CAD: variants seen among roughly 807,000 people sequenced by gnomAD.
CAD encodes the protein multifunctional protein CAD.
CAD carries 81 observed loss-of-function variants against 237.2 expected under a neutral mutation model. The observed-to-expected ratio is 0.34, with a 90% CI of 0.29 to 0.41. The LOEUF is 0.41. Among genes scored for constraint, CAD ranks in the 10% least tolerant of loss-of-function variants. The pLI is 1.00. For synonymous variants in CAD, 1,196 were observed against 1,162.8 expected (o/e 1.03, Z -0.58); for missense variants, 2,181 against 2,951.7 (o/e 0.74, Z 6.05).
Position 27,242,984 on chromosome 2 carries a change from G to C in CAD, c.6480+11G>C, listed in dbSNP as rs1676395024. 12 of 1,585,140 alleles carry C rather than the reference G, an allele frequency of 7.6e-6. No homozygotes were observed. The highest frequency in any genetic ancestry group is 1.0e-5 in the Non-Finnish European group (12 of 1,160,690). On this transcript the variant is annotated intron_variant, in intron 42 of 43. Transcript: ENST00000264705. The surrounding 1 kb of genome is among the most constrained non-coding windows in gnomAD (Gnocchi z 6.4). ...CAGGAGTACGAAGCTGTGAGTGCTG[G>C]GCTTGAGGAAGAAGCCAGGGCTGCT...
rs1558543941 is a variant in CAD at position 27,239,742 on chromosome 2, CAG to C, written c.5441_5442del (p.Gln1814ArgfsTer14). The C allele has an allele frequency of 1.9e-6, 3 of 1,593,232 alleles. No individual in the cohort carries two copies. Among genetic ancestry groups the C allele is most frequent in the East Asian group, 2.2e-5 (1 of 44,696 alleles). On this transcript the variant is annotated frameshift_variant, in exon 34 of 44. Coordinates refer to ENST00000264705, the MANE Select transcript of CAD (RefSeq NM_004341.5). LOFTEE classifies it high-confidence loss of function. The surrounding 1 kb of genome is among the most constrained non-coding windows in gnomAD (Gnocchi z 4.0). ...TGGACAGGATGTACGGAAGTGGCCA[CAG>C]GGGGCTGTTCCTCAGCTCCCACCCT... ...GYGQDVRKWP[Q>X]GAVPQLPPSA...
Position 27,236,539 on chromosome 2 carries a change from G to C in CAD, c.4314+16G>C, listed in dbSNP as rs186812566. 5 of 1,608,172 alleles carry C rather than the reference G, an allele frequency of 3.1e-6. No homozygotes were observed. The highest frequency in any genetic ancestry group is 1.7e-4 in the Middle Eastern group (1 of 6,060). ...CTTTGTGGAGGTAACTGAGACCCAT[G>C]TGCTGGGAGGGAGACTGCCAGTGTT... On this transcript the variant is annotated intron_variant, in intron 26 of 43. Transcript: ENST00000264705. The surrounding 1 kb of genome is among the most constrained non-coding windows in gnomAD (Gnocchi z 4.1).
chr2:27,221,451 A>G, intron 3 of CAD, 104 bp downstream of exon 3: 2 of 1,097,534 alleles, frequency 1.8e-6, no homozygotes, highest in Non-Finnish European at 2.4e-6. Context: ...AGATTGTGAT[A>G]GTTGGAAGGT....
chr2:27,225,307 T>TC (rs1429502303), intron 11 of CAD, 64 bp downstream of exon 11: 36 of 825,564 alleles, frequency 4.4e-5, no homozygotes, highest in Middle Eastern at 3.1e-4. Flanking sequence ...TATTTTCTTT[T>TC]TTTTTTTTTT....
Position 27,239,748 on chromosome 2 carries a change from G to C in CAD, c.5446G>C (p.Ala1816Pro), listed in dbSNP as rs761961745. The stretch of plus-strand genomic sequence containing the variant: ...GGATGTACGGAAGTGGCCACAGGGG[G>C]CTGTTCCTCAGCTCCCACCCTCAGC... ...GQDVRKWPQG[A>P]VPQLPPSAPA... The change falls in exon 34 of 44, where the codon GCT (alanine) becomes CCT (proline). Residue 1816 changes from alanine to proline, a missense_variant. This residue lies in a region of CAD where 478 missense variants were observed against 515.0 expected (regional missense o/e 0.93). Transcript: ENST00000264705. The surrounding 1 kb of genome is among the most constrained non-coding windows in gnomAD (Gnocchi z 4.0). 1.9e-6 allele frequency: 3 copies of C among 1,591,938 alleles called. No homozygotes were observed. In the Admixed American group the frequency reaches 5.3e-5, roughly 28 times the overall value.
chr2:27,240,258 C>T lies in CAD; in HGVS notation c.5497-7C>T. On this transcript the variant is annotated splice_polypyrimidine_tract_variant and splice_region_variant and intron_variant, in intron 34 of 43. Coordinates refer to ENST00000264705, the MANE Select transcript of CAD (RefSeq NM_004341.5). This position sits in a 1 kb window ranked among gnomAD's most constrained non-coding sequence, Gnocchi z 4.6. Reference sequence around the variant, plus strand: ...AAAACAACTCTGGGCCAACGTTATCCCTCCAGACACCTGAAAGACCCCGCC... The same window carrying T: ...AAAACAACTCTGGGCCAACGTTATCTCTCCAGACACCTGAAAGACCCCGCC... The T allele has an allele frequency of 6.2e-7, 1 of 1,610,902 alleles. No homozygotes were observed. Among genetic ancestry groups the T allele is most frequent in the Non-Finnish European group, 8.5e-7 (1 of 1,177,226 alleles).
rs777357147 is a variant in CAD at position 27,233,335 on chromosome 2, C to T, written c.3015C>T (p.Leu1005=). 20 of 1,614,020 alleles carry T rather than the reference C, an allele frequency of 1.2e-5. No individual in the cohort carries two copies. The East Asian group carries it at 1.6e-4, about 13-fold the overall frequency. Residue 1005 remains leucine, a synonymous_variant, in exon 20 of 44, where the codon CTC becomes CTT. Coordinates refer to ENST00000264705, the MANE Select transcript of CAD (RefSeq NM_004341.5). This position sits in a 1 kb window ranked among gnomAD's most constrained non-coding sequence, Gnocchi z 6.3. ...AGGTGGTGATGGACATCTATGAGCT[C>T]GAGAACCCTGAAGGTGTGATCCTAT... ...SFEVVMDIYE[L]ENPEGVILSM...
In CAD at chr2:27,240,896, T is replaced by G; in HGVS notation, c.5594-15T>G. The G allele has an allele frequency of 6.2e-7, 1 of 1,614,020 alleles. No individual in the cohort carries two copies. Among genetic ancestry groups the G allele is most frequent in the South Asian group, 1.1e-5 (1 of 91,070 alleles). On this transcript the variant is annotated splice_polypyrimidine_tract_variant and intron_variant, in intron 35 of 43. Coordinates refer to ENST00000264705, the MANE Select transcript of CAD (RefSeq NM_004341.5). The surrounding 1 kb of genome is among the most constrained non-coding windows in gnomAD (Gnocchi z 4.6). ...CAGCCATAAATGTATATCTGTCCTC[T>G]TGTCCTGTTTGCAGCTGAGGAGCCA...
intron 15 of CAD, among the ~76,000 whole-genome samples, chr2:27,228,095 A>G (rs928734073): frequency 2.0e-5 from 3 of 152,268 alleles, no homozygotes; most frequent in Non-Finnish European, 2.9e-5. Flanking sequence ...AACTTTTTTA[A>G]AGAAATGTAA....
Position 27,225,912 on chromosome 2 carries a change from G to A in CAD, c.1828G>A (p.Gly610Ser). ...GTACGAGGTGGTGAGAGACGCCTAT[G>A]GCAACTGTGTCACGGTGAGTGAATG... is the stretch of plus-strand genomic sequence containing the variant. ...IEYEVVRDAY[G>S]NCVTVCNMEN... Residue 610 changes from glycine (G) to serine (S), a missense_variant, in exon 12 of 44, where the codon GGC becomes AGC. Gly to Ser is a moderately conservative substitution (Grantham distance 56). Around this residue, in one of 12 missense-constraint regions of CAD, gnomAD observed 385 missense variants for 535.1 expected, o/e 0.72. Coordinates refer to ENST00000264705, the MANE Select transcript of CAD (RefSeq NM_004341.5). 6.2e-7 allele frequency: 1 copy of A among 1,614,018 alleles called. No individual in the cohort carries two copies. Among genetic ancestry groups the A allele is most frequent in the Non-Finnish European group, 8.5e-7 (1 of 1,179,844 alleles).
intron 15 of CAD, among the ~76,000 whole-genome samples, chr2:27,227,311 T>G (rs1246904464): frequency 6.6e-6 from 1 of 152,196 alleles, no homozygotes; most frequent in Non-Finnish European, 1.5e-5. Flanking sequence ...AATTTATTAG[T>G]GAATGATGAA....
At position 27,239,839 on chromosome 2, in the gene CAD, C is replaced by G; in HGVS notation, c.5496+41C>G. 7.2e-7 allele frequency: 1 copy of G among 1,379,820 alleles called. No individual in the cohort carries two copies. The highest frequency in any genetic ancestry group is 9.9e-7 in the Non-Finnish European group (1 of 1,013,702). The allele number at this position is 1,379,820 out of a possible 1,614,324, so 85.5% of individuals were successfully genotyped here. A position where few individuals can be genotyped will look rare whatever the true frequency, so the allele number is the denominator to read the frequency against. On this transcript the variant is annotated intron_variant, in intron 34 of 43. Transcript: ENST00000264705. The surrounding 1 kb of genome is among the most constrained non-coding windows in gnomAD (Gnocchi z 4.0). ...GGCTAGGGGGCTGGGAGGTGTTAGTCTCAGGGCAGGATGAACAGCTTGAAC... is the reference window on the plus strand; with the variant it reads ...GGCTAGGGGGCTGGGAGGTGTTAGTGTCAGGGCAGGATGAACAGCTTGAAC...
In CAD at chr2:27,225,179, C is replaced by T. The variant is rs761163042; in HGVS notation, c.1556C>T (p.Ala519Val). The T allele has an allele frequency of 6.2e-7, 1 of 1,614,094 alleles. No individual in the cohort carries two copies. Among genetic ancestry groups the T allele is most frequent in the Non-Finnish European group, 8.5e-7 (1 of 1,180,016 alleles). The change falls in exon 11 of 44, where the codon GCT becomes GTT. Residue 519 changes from alanine to valine, a missense_variant. By Grantham distance (64) the Ala-to-Val change is moderately conservative (BLOSUM62 0). Transcript: ENST00000264705. ...CTGACCGAGGATCGACGGGCCTTTG[C>T]TGCCAGAATGGCAGAGATCGGAGAG... ...IELTEDRRAFAARMAEIGEHV... is the reference protein window; with the variant it reads ...IELTEDRRAFVARMAEIGEHV...
Position 27,238,067 on chromosome 2 carries a change from A to G in CAD, c.4740A>G (p.Thr1580=). The G allele has an allele frequency of 6.2e-7, 1 of 1,614,150 alleles. No homozygotes were observed. The highest frequency in any genetic ancestry group is 8.5e-7 in the Non-Finnish European group (1 of 1,180,002). ...CTTTCTGCTCCCAGCATTTCGAGAC[A>G]TGGCCCTCCCACCTCCCCATTGTGG... is the stretch of plus-strand genomic sequence containing the variant. The part of the protein sequence containing the change: ...SVVQWMEHFE[T]WPSHLPIVAH... The change falls in exon 30 of 44, where the codon ACA becomes ACG. Residue 1580 remains threonine, a synonymous_variant. Coordinates refer to ENST00000264705, the MANE Select transcript of CAD (RefSeq NM_004341.5).
Position 27,223,664 on chromosome 2 carries a change from T to A in CAD, c.911T>A (p.Leu304Gln). The change falls in exon 7 of 44, where the codon CTG (leucine) becomes CAG (glutamine). Residue 304 changes from leucine (L) to glutamine (Q), a missense_variant. Leu to Gln is a moderately radical substitution (Grantham distance 113). This residue lies in a region of CAD where 129 missense variants were observed against 143.3 expected (regional missense o/e 0.90). Transcript: ENST00000264705. ...NHGFAVETDS[L>Q]PADWAPLFTN... ...GGGTTTGCTGTGGAGACAGACTCAC[T>A]GCCAGCAGACTGGGCTCCTCTCTTC... 1 of 1,614,178 alleles carries A rather than the reference T, an allele frequency of 6.2e-7. No individual in the cohort carries two copies. The highest frequency in any genetic ancestry group is 8.5e-7 in the Non-Finnish European group (1 of 1,180,026).
rs1351008225 is a variant in CAD at position 27,242,260 on chromosome 2, G to A, written c.6097-42G>A. 3.9e-5 allele frequency: 62 copies of A among 1,587,620 alleles called. No individual in the cohort carries two copies. The highest frequency in any genetic ancestry group is 5.3e-5 in the Non-Finnish European group (62 of 1,163,548). On this transcript the variant is annotated intron_variant, in intron 39 of 43. Coordinates refer to ENST00000264705, the MANE Select transcript of CAD (RefSeq NM_004341.5). The surrounding 1 kb of genome is among the most constrained non-coding windows in gnomAD (Gnocchi z 6.4). ...GAAGAGGGGGACTGGCAGTTGGGGG[G>A]CCTCTGAGCTGCAAAAGACAGGATT...
intron 6 of CAD, 97 bp downstream of exon 6, chr2:27,223,134 A>G (rs1675259896): frequency 7.5e-7 from 1 of 1,329,036 alleles, no homozygotes. Context: ...TCGTGTTGAA[A>G]TAGGAGCGGG....
chr2:27,242,725 C>T lies in CAD; in HGVS notation c.6328C>T (p.Arg2110Cys), dbSNP rs945541877. Reference sequence around the variant, plus strand: ...GCGCTACGTGGCACCTCCCAGCCTGCGCATGCCACCCACTGTGCGGGCCTT... The same window carrying T: ...GCGCTACGTGGCACCTCCCAGCCTGTGCATGCCACCCACTGTGCGGGCCTT... Reference protein sequence around the residue: ...SLRYVAPPSLRMPPTVRAFVA... With the variant: ...SLRYVAPPSLCMPPTVRAFVA... Residue 2110 changes from arginine (R) to cysteine (C), a missense_variant, in exon 41 of 44, where the codon CGC (arginine) becomes TGC (cysteine). Physicochemically the swap from Arg to Cys is radical, Grantham distance 180 (BLOSUM62 -3). Around this residue, in one of 12 missense-constraint regions of CAD, gnomAD observed 170 missense variants for 212.1 expected, o/e 0.80. Transcript: ENST00000264705. The surrounding 1 kb of genome is among the most constrained non-coding windows in gnomAD (Gnocchi z 6.4). 17 of 1,614,074 alleles carry T rather than the reference C, an allele frequency of 1.1e-5. No homozygotes were observed. The highest frequency in any genetic ancestry group is 4.4e-5 in the South Asian group (4 of 91,082).
chr2:27,241,312 T>TCAC lies in CAD; in HGVS notation c.5809-9_5809-8insACC. 1 of 1,614,124 alleles carries TCAC rather than the reference T, an allele frequency of 6.2e-7. No homozygotes were observed. The highest frequency in any genetic ancestry group is 8.5e-7 in the Non-Finnish European group (1 of 1,180,014). ...TAGGACCTTTCTAGCTAACTTGGGCTCTTTCTTAGATGTCTCACCTGTTCA... is the reference window on the plus strand; with the variant it reads ...TAGGACCTTTCTAGCTAACTTGGGCTCACCTTTCTTAGATGTCTCACCTGTTCA... On this transcript the variant is annotated splice_polypyrimidine_tract_variant and intron_variant, in intron 37 of 43. Coordinates refer to ENST00000264705, the MANE Select transcript of CAD (RefSeq NM_004341.5). This position sits in a 1 kb window ranked among gnomAD's most constrained non-coding sequence, Gnocchi z 4.6.
Sources: gnomAD v4.1 joint callset for allele counts (sites outside exome capture counted in the v4.1 genomes callset) on GRCh38, gnomAD v4.1.1 for gene constraint, gnomAD v4.1.1 regional missense constraint, Gnocchi (gnomAD v3.1) non-coding constraint, MANE v1.5 for transcripts, NCBI Gene and HGNC (gene_info 2026-07-23, HGNC 2026-07-21) for gene names.